BMPR1B: variants seen among roughly 807,000 people sequenced by gnomAD.
The protein encoded by BMPR1B is bone morphogenetic protein receptor type-1B.
In BMPR1B, 12 loss-of-function variants were observed where a neutral mutation model predicts 59.1. That is an observed-to-expected ratio of 0.20 (90% CI 0.13 to 0.33). The LOEUF is 0.33. BMPR1B is among the 10% of genes least tolerant of loss of function. The probability of loss-of-function intolerance (pLI) is 1.00; values close to 1 mark genes in which losing one functional copy is unlikely to be tolerated. For synonymous variants in BMPR1B, 237 were observed against 207.3 expected (o/e 1.14, Z -1.23); for missense variants, 550 against 610.9 (o/e 0.90, Z 1.05).
Position 94,953,463 on chromosome 4 carries a change from C to A in BMPR1B, c.-112-42577C>A, listed in dbSNP as rs561378075. ...TCTTGTAAGGCAGGCCTGGTAGTGA[C>A]AAAATCCTTCAGCATTTGCTTGTGT... On this transcript the variant is annotated intron_variant, in intron 2 of 12. Coordinates refer to ENST00000515059, the MANE Select transcript of BMPR1B (RefSeq NM_001203.3). Among the ~76,000 whole-genome samples, 10 of 152,280 alleles carry A rather than the reference C, an allele frequency of 6.6e-5. No homozygotes were observed. The East Asian group carries it at 1.9e-3, about 29-fold the overall frequency.
At chr4:95,059,316 A>G (rs1727164041) in intron 3 of BMPR1B, among the ~76,000 whole-genome samples, 1 of 152,198 alleles carries the variant, frequency 6.6e-6, no homozygotes. Context: ...TTTCTTATAT[A>G]TATATGTGTG....
chr4:95,026,070 T>C (rs1724333304), intron 3 of BMPR1B, among the ~76,000 whole-genome samples: 1 of 148,540 alleles, frequency 6.7e-6, no homozygotes, highest in African/African-American at 2.4e-5. Flanking sequence ...TATACCACCA[T>C]GCTTGGCTGG....
intron 1 of BMPR1B, among the ~76,000 whole-genome samples, chr4:94,803,459 G>A (rs1723484216): frequency 6.6e-6 from 1 of 152,186 alleles, no homozygotes; most frequent in Admixed American, 6.5e-5. Flanking sequence ...GGTGAGTAGG[G>A]TGGGACTGTT....
Position 94,845,107 on chromosome 4 carries a change from G to GATCTAATAAAA in BMPR1B, c.-182-30724_-182-30723insATCTAATAAAA, listed in dbSNP as rs1403618282. The stretch of plus-strand genomic sequence containing the variant: ...TAAAAGATGAAAAAAATCACAAAAT[G>GATCTAATAAAA]TTGATTAGAATTTTATAAAATAAAT... On this transcript the variant is annotated intron_variant, in intron 1 of 12. Transcript: ENST00000515059. 3.9e-5 allele frequency among the ~76,000 whole-genome samples: 6 copies of GATCTAATAAAA among 152,034 alleles called. No homozygotes were observed. In the East Asian group the frequency reaches 1.2e-3, roughly 29 times the overall value.
chr4:94,833,797 G>A (rs1425686240), intron 1 of BMPR1B, among the ~76,000 whole-genome samples: 14 of 152,186 alleles, frequency 9.2e-5, no homozygotes, highest in Admixed American at 8.5e-4. Flanking sequence ...TTTCGTGGGT[G>A]TGTGAGGTAG....
At chr4:94,841,235 C>G (rs982902526) in intron 1 of BMPR1B, among the ~76,000 whole-genome samples, 3 of 148,928 alleles carry the variant, frequency 2.0e-5, no homozygotes, top group African/African-American at 7.4e-5. Context: ...TGCCCTGCCC[C>G]CAGAGGTGGA....
At chr4:95,137,664 C>T (rs1221320696) in intron 10 of BMPR1B, among the ~76,000 whole-genome samples, 1 of 152,096 alleles carries the variant, frequency 6.6e-6, no homozygotes, top group Non-Finnish European at 1.5e-5. Flanking sequence ...TATGTAATGG[C>T]CTTCTTTGTC....
chr4:94,944,580 A>G lies in BMPR1B; in HGVS notation c.-112-51460A>G, dbSNP rs562872793. On this transcript the variant is annotated intron_variant, in intron 2 of 12. Transcript: ENST00000515059. Reference sequence around the variant, plus strand: ...GACGACCATGTGCAGTTTTCCTTCAAGGGAATTATATGTAATTTTTGCAAA... The same window carrying G: ...GACGACCATGTGCAGTTTTCCTTCAGGGGAATTATATGTAATTTTTGCAAA... Among the ~76,000 whole-genome samples the G allele has an allele frequency of 7.9e-5, 12 of 152,308 alleles. No individual in the cohort carries two copies. The South Asian group carries it at 1.7e-3, about 21-fold the overall frequency.
intron 1 of BMPR1B, among the ~76,000 whole-genome samples, chr4:94,761,174 G>T (rs1051195958): frequency 5.9e-5 from 9 of 152,116 alleles, no homozygotes; most frequent in Non-Finnish European, 1.0e-4. Context: ...AAACTCTGAA[G>T]ATTTCTTTTC....
At chr4:94,937,852 G>T (rs1161719834) in intron 2 of BMPR1B, among the ~76,000 whole-genome samples, 1 of 152,142 alleles carries the variant, frequency 6.6e-6, no homozygotes. Flanking sequence ...GAGGGAGTGA[G>T]ATTGGAAGTG....
chr4:95,058,972 C>T (rs996787491), intron 3 of BMPR1B, among the ~76,000 whole-genome samples: 3 of 152,044 alleles, frequency 2.0e-5, no homozygotes, highest in Non-Finnish European at 4.4e-5. Flanking sequence ...TTTCAAATTG[C>T]ATTATAAAAC....
At chr4:95,022,738 A>G (rs1343658242) in intron 3 of BMPR1B, among the ~76,000 whole-genome samples, 2 of 152,286 alleles carry the variant, frequency 1.3e-5, no homozygotes, top group African/African-American at 4.8e-5. Context: ...GAGCTTATAA[A>G]AAGACTATGG....
intron 4 of BMPR1B, 133 bp from the exon 5 acceptor site, chr4:95,114,587 A>G: frequency 1.2e-6 from 1 of 828,382 alleles, no homozygotes; most frequent in East Asian, 2.5e-5. Flanking sequence ...CAGATCATTG[A>G]CATTCTCCTT....
chr4:94,933,388 T>C (rs1056631942), intron 2 of BMPR1B, among the ~76,000 whole-genome samples: 3 of 152,128 alleles, frequency 2.0e-5, no homozygotes, highest in Non-Finnish European at 4.4e-5. Context: ...CTTAATACTT[T>C]AATATCTCAG....
intron 3 of BMPR1B, among the ~76,000 whole-genome samples, chr4:95,104,003 A>G (rs539526435): frequency 1.3e-5 from 2 of 152,196 alleles, no homozygotes; most frequent in East Asian, 1.9e-4. Context: ...TGCTGGGTCT[A>G]TAGTCTATCC....
At position 95,129,856 on chromosome 4, in the gene BMPR1B, T is replaced by A; in HGVS notation, c.586-6T>A. Reference sequence around the variant, plus strand: ...TACACTAACAGTGTGTTTTGGGATTTCACAGGTCCAAAGGACTATAGCTAA... The same window carrying A: ...TACACTAACAGTGTGTTTTGGGATTACACAGGTCCAAAGGACTATAGCTAA... On this transcript the variant is annotated splice_region_variant and splice_polypyrimidine_tract_variant and intron_variant, in intron 8 of 12. Coordinates refer to ENST00000515059, the MANE Select transcript of BMPR1B (RefSeq NM_001203.3). The A allele has an allele frequency of 6.2e-7, 1 of 1,613,570 alleles. No individual in the cohort carries two copies. Among genetic ancestry groups the A allele is most frequent in the South Asian group, 1.1e-5 (1 of 91,050 alleles).
chr4:94,800,447 A>ATT (rs71583665), intron 1 of BMPR1B, among the ~76,000 whole-genome samples: 15 of 120,088 alleles, frequency 1.2e-4, no homozygotes, highest in Non-Finnish European at 1.4e-4. Context: ...GGTCTTTACT[A>ATT]TTTTTTTTTT....
At position 95,125,112 on chromosome 4, in the gene BMPR1B, C is replaced by T. The variant is rs976654547; in HGVS notation, c.576C>T (p.Leu192=). ...QSQSSGSGSG[L]PLLVQRTIAK... ...AGAGCTCAGGAAGTGGATCAGGCCTCCCTCTGCTGGTATGAGAAGAACACA... is the reference window on the plus strand; with the variant it reads ...AGAGCTCAGGAAGTGGATCAGGCCTTCCTCTGCTGGTATGAGAAGAACACA... Residue 192 remains leucine, a synonymous_variant, in exon 8 of 13, where the codon CTC becomes CTT. Coordinates refer to ENST00000515059, the MANE Select transcript of BMPR1B (RefSeq NM_001203.3). The T allele has an allele frequency of 6.2e-7, 1 of 1,613,712 alleles. No homozygotes were observed. Among genetic ancestry groups the T allele is most frequent in the Non-Finnish European group, 8.5e-7 (1 of 1,179,766 alleles).
intron 1 of BMPR1B, among the ~76,000 whole-genome samples, chr4:94,860,906 A>G (rs1473892542): frequency 6.8e-6 from 1 of 147,368 alleles, no homozygotes; most frequent in Non-Finnish European, 1.5e-5. Context: ...GTATTCCTTC[A>G]TATATGTGTA....
Sources: gnomAD v4.1 joint callset for allele counts (sites outside exome capture counted in the v4.1 genomes callset) on GRCh38, gnomAD v4.1.1 for gene constraint, MANE v1.5 for transcripts, NCBI Gene and HGNC (gene_info 2026-07-23, HGNC 2026-07-21) for gene names.